The following AMPH variants were observed in gnomAD, a reference collection of about 807,000 sequenced individuals.
The protein encoded by AMPH is amphiphysin (Stiff-Mann syndrome with breast cancer 128kD autoantigen).
In AMPH, 49 loss-of-function variants were observed where a neutral mutation model predicts 99.1. The ratio of observed to expected loss-of-function variants is 0.49; its 90% CI spans 0.39 to 0.63. AMPH has a LOEUF of 0.63. Ranked by LOEUF, AMPH falls within the 20% of genes least tolerant of loss-of-function variation. The probability of loss-of-function intolerance (pLI) is 0.00; values close to 1 mark genes in which losing one functional copy is unlikely to be tolerated. For missense variants in AMPH, 759 were observed against 863.4 expected (o/e 0.88, Z 1.52); for synonymous variants, 314 against 317.3 (o/e 0.99, Z 0.11).
At chr7:38,448,503 T>G (rs1390692735) in intron 11 of AMPH, among the ~76,000 whole-genome samples, 6 of 152,208 alleles carry the variant, frequency 3.9e-5, no homozygotes, top group Admixed American at 6.5e-5. Context: ...AAGAGATTGA[T>G]GACAACAGCT....
At chr7:38,555,046 A>G (rs888767681) in intron 1 of AMPH, among the ~76,000 whole-genome samples, 1 of 152,168 alleles carries the variant, frequency 6.6e-6, no homozygotes, top group African/African-American at 2.4e-5. Flanking sequence ...GGGGAAGTGG[A>G]AAGAAACCCT....
intron 2 of AMPH, among the ~76,000 whole-genome samples, chr7:38,516,327 G>A (rs1434646629): frequency 3.3e-5 from 5 of 152,140 alleles, no homozygotes; most frequent in South Asian, 2.1e-4. Flanking sequence ...GAGCAGCCTC[G>A]GGACACTGCT....
At chr7:38,562,469 G>A (rs1791587750) in intron 1 of AMPH, among the ~76,000 whole-genome samples, 1 of 152,280 alleles carries the variant, frequency 6.6e-6, no homozygotes, top group African/African-American at 2.4e-5. Context: ...TGTATTATCA[G>A]CTACTGGCAC....
chr7:38,538,887 G>A (rs1790710377), intron 1 of AMPH, among the ~76,000 whole-genome samples: 1 of 152,154 alleles, frequency 6.6e-6, no homozygotes, highest in Non-Finnish European at 1.5e-5. Flanking sequence ...GTGGCATCCA[G>A]GTAGAGATAT....
chr7:38,533,098 A>G (rs1223433036), intron 2 of AMPH, among the ~76,000 whole-genome samples: 1 of 152,194 alleles, frequency 6.6e-6, no homozygotes, highest in Non-Finnish European at 1.5e-5. Context: ...AGTTCCTGCA[A>G]TCCAAGACAA....
intron 1 of AMPH, among the ~76,000 whole-genome samples, chr7:38,576,242 C>A (rs1184598553): frequency 1.3e-5 from 2 of 152,220 alleles, no homozygotes; most frequent in East Asian, 1.9e-4. Flanking sequence ...AATTAAAAAA[C>A]AAATAAATGA....
At chr7:38,608,929 C>A (rs1793528898) in intron 1 of AMPH, among the ~76,000 whole-genome samples, 1 of 152,172 alleles carries the variant, frequency 6.6e-6, no homozygotes, top group Non-Finnish European at 1.5e-5. Context: ...TTTAAATGAG[C>A]TAGTGTCTTT....
chr7:38,524,488 C>A (rs1170241640), intron 2 of AMPH, among the ~76,000 whole-genome samples: 1 of 152,128 alleles, frequency 6.6e-6, no homozygotes, highest in East Asian at 1.9e-4. Context: ...TGGGGATCTG[C>A]AAATTAGATG....
chr7:38,581,285 G>A (rs1172995555), intron 1 of AMPH, among the ~76,000 whole-genome samples: 1 of 151,772 alleles, frequency 6.6e-6, no homozygotes, highest in Non-Finnish European at 1.5e-5. Context: ...TCTTAAAATG[G>A]GTATTAAGGG....
intron 2 of AMPH, among the ~76,000 whole-genome samples, chr7:38,515,949 C>T (rs1789722942): frequency 1.3e-5 from 2 of 152,214 alleles, no homozygotes; most frequent in Non-Finnish European, 2.9e-5. Context: ...TTTAAGGTAT[C>T]TGGTGGAAGA....
chr7:38,537,366 T>C (rs970895575), intron 1 of AMPH, among the ~76,000 whole-genome samples: 1 of 152,142 alleles, frequency 6.6e-6, no homozygotes, highest in East Asian at 1.9e-4. Flanking sequence ...GGCCAGCATA[T>C]AGTTAATGCT....
At chr7:38,523,209 G>GTCTGT (rs770123384) in intron 2 of AMPH, among the ~76,000 whole-genome samples, 2 of 151,928 alleles carry the variant, frequency 1.3e-5, no homozygotes, top group Non-Finnish European at 2.9e-5. Flanking sequence ...TAATATAGAT[G>GTCTGT]TCTGTGTGTA....
At chr7:38,454,191 A>G (rs1787144049) in intron 11 of AMPH, among the ~76,000 whole-genome samples, 1 of 152,224 alleles carries the variant, frequency 6.6e-6, no homozygotes, top group South Asian at 2.1e-4. Context: ...GCCTATTGAT[A>G]AGTGTGCTTG....
intron 1 of AMPH, among the ~76,000 whole-genome samples, chr7:38,591,612 G>A (rs556437580): frequency 2.0e-5 from 3 of 152,062 alleles, no homozygotes; most frequent in South Asian, 4.2e-4. Flanking sequence ...CTATAAACTC[G>A]GCTCTCATAA....
chr7:38,530,638 A>G (rs1238646792), intron 2 of AMPH, among the ~76,000 whole-genome samples: 1 of 152,200 alleles, frequency 6.6e-6, no homozygotes, highest in African/African-American at 2.4e-5. Context: ...CAGGTGCAGC[A>G]TCTTACTGGG....
intron 2 of AMPH, 65 bp from the exon 3 acceptor site, chr7:38,503,769 T>C (rs565811118): frequency 1.5e-4 from 233 of 1,543,888 alleles, no homozygotes; most frequent in Non-Finnish European, 2.0e-4. Flanking sequence ...ATGTAAGAAG[T>C]GCTAAGTCTC....
At chr7:38,514,034 A>G (rs958635962) in intron 2 of AMPH, among the ~76,000 whole-genome samples, 27 of 152,062 alleles carry the variant, frequency 1.8e-4, no homozygotes, top group African/African-American at 6.0e-4. Context: ...GCCTCTAAAT[A>G]CCATTCCCTT....
At chr7:38,508,891 C>T (rs1156333319) in intron 2 of AMPH, among the ~76,000 whole-genome samples, 1 of 152,070 alleles carries the variant, frequency 6.6e-6, no homozygotes, top group East Asian at 1.9e-4. Context: ...TTTAATGAGG[C>T]CATAATCAGC....
intron 11 of AMPH, among the ~76,000 whole-genome samples, chr7:38,449,758 C>T (rs1786933415): frequency 6.6e-6 from 1 of 152,140 alleles, no homozygotes; most frequent in South Asian, 2.1e-4. Context: ...ATAATGTTAA[C>T]ATGTTTACTT....
Sources: allele counts gnomAD v4.1 joint callset (sites outside exome capture counted in the v4.1 genomes callset), GRCh38; gene constraint gnomAD v4.1.1; transcripts MANE v1.5; gene names NCBI Gene and HGNC (gene_info 2026-07-23, HGNC 2026-07-21).